The following SKAP2 variants were observed in gnomAD, a reference collection of about 807,000 sequenced individuals.
SKAP2 encodes src kinase associated phosphoprotein 2, also known as src kinase-associated phosphoprotein 2.
A neutral mutation model predicts 54.9 loss-of-function variants in SKAP2; 28 were observed. The observed-to-expected ratio is 0.51, with a 90% CI of 0.38 to 0.70. SKAP2 has a LOEUF of 0.70. Ranked by LOEUF, SKAP2 falls within the 30% of genes least tolerant of loss-of-function variation. The pLI is 0.00. For missense variants in SKAP2, 356 were observed against 424.1 expected (o/e 0.84, Z 1.41); for synonymous variants, 137 against 134.3 (o/e 1.02, Z -0.14).
Position 26,818,758 on chromosome 7 carries a change from A to G in SKAP2, c.307+25272T>C, listed in dbSNP as rs546206927. On this transcript the variant is annotated intron_variant, in intron 4 of 12. Coordinates refer to ENST00000345317, the MANE Select transcript of SKAP2 (RefSeq NM_003930.5). The stretch of plus-strand genomic sequence containing the variant: ...AAAACAACCCCATCAAAAAGGGGGT[A>G]AAGGATATGAACAGACATTTCCCAA... 1.8e-4 allele frequency among the ~76,000 whole-genome samples: 27 copies of G among 152,306 alleles called. No individual in the cohort carries two copies. In the East Asian group the frequency reaches 4.6e-3, roughly 26 times the overall value.
At chr7:26,849,732 GA>G (rs563055363) in intron 3 of SKAP2, among the ~76,000 whole-genome samples, 1 of 141,286 alleles carries the variant, frequency 7.1e-6, no homozygotes, top group African/African-American at 2.6e-5. Context: ...TTACAAATTT[GA>G]AAAAAAAATC....
At position 26,844,260 on chromosome 7, in the gene SKAP2, T is replaced by C. The variant is rs1267510396; in HGVS notation, c.200-123A>G. 27 of 606,472 alleles carry C rather than the reference T, an allele frequency of 4.5e-5. No individual in the cohort carries two copies. In the East Asian group the frequency reaches 7.1e-4, roughly 16 times the overall value. 37.6% of individuals were successfully genotyped at this position (606,472 alleles called of 1,614,324 possible). A position where few individuals can be genotyped will look rare whatever the true frequency, so the allele number is the denominator to read the frequency against. ...ATTCTACTAGTAAATTGAGTCATTGTCATGGAAAAACAAAGAAAACTTTTA... is the reference window on the plus strand; with the variant it reads ...ATTCTACTAGTAAATTGAGTCATTGCCATGGAAAAACAAAGAAAACTTTTA... On this transcript the variant is annotated intron_variant, in intron 3 of 12. Coordinates refer to ENST00000345317, the MANE Select transcript of SKAP2 (RefSeq NM_003930.5).
Position 26,814,534 on chromosome 7 carries a change from T to C in SKAP2, c.307+29496A>G, listed in dbSNP as rs1279945907. On this transcript the variant is annotated intron_variant, in intron 4 of 12. Transcript: ENST00000345317. ...TAAAATAATCCCAGCGAAATCACTC[T>C]TTAGGAACTTCAAACACCCTTACAC... 2.0e-5 allele frequency among the ~76,000 whole-genome samples: 3 copies of C among 150,550 alleles called. No individual in the cohort carries two copies. The East Asian group carries it at 5.8e-4, about 29-fold the overall frequency.
chr7:26,843,973 A>C, intron 4 of SKAP2, 57 bp downstream of exon 4: 1 of 1,070,562 alleles, frequency 9.3e-7, no homozygotes, highest in Admixed American at 1.7e-5. Context: ...ACTACCACCC[A>C]TATATATAGC....
intron 4 of SKAP2, among the ~76,000 whole-genome samples, chr7:26,827,945 C>A (rs1178602502): frequency 6.6e-6 from 1 of 152,018 alleles, no homozygotes. Flanking sequence ...GTGACTGACA[C>A]AGGGAAAAAA....
intron 1 of SKAP2, among the ~76,000 whole-genome samples, chr7:26,864,097 G>A (rs1008357728): frequency 2.4e-5 from 3 of 123,270 alleles, no homozygotes; most frequent in Non-Finnish European, 5.3e-5. Flanking sequence ...TCTTCACAAT[G>A]CACATAGAAA....
At chr7:26,811,834 C>T (rs1370403058) in intron 4 of SKAP2, among the ~76,000 whole-genome samples, 2 of 152,030 alleles carry the variant, frequency 1.3e-5, no homozygotes, top group African/African-American at 2.4e-5. Flanking sequence ...TTTAAAATGC[C>T]ATTTTGCAAC....
At chr7:26,711,905 G>A (rs1203561992) in intron 9 of SKAP2, among the ~76,000 whole-genome samples, 1 of 152,150 alleles carries the variant, frequency 6.6e-6, no homozygotes, top group Admixed American at 6.5e-5. Context: ...AATTATTAAA[G>A]CCTGAGTGAG....
At chr7:26,814,040 G>A (rs1464164162) in intron 4 of SKAP2, among the ~76,000 whole-genome samples, 1 of 152,112 alleles carries the variant, frequency 6.6e-6, no homozygotes, top group Non-Finnish European at 1.5e-5. Context: ...AGCTTCATAT[G>A]AAGCTACAGC....
chr7:26,693,408 C>A, intron 9 of SKAP2, among the ~76,000 whole-genome samples: 1 of 149,268 alleles, frequency 6.7e-6, no homozygotes, highest in Admixed American at 6.7e-5. Flanking sequence ...TATAAAAATT[C>A]ATTACAAGAC....
At chr7:26,767,418 C>T (rs562469703) in intron 4 of SKAP2, among the ~76,000 whole-genome samples, 102 of 152,218 alleles carry the variant, frequency 6.7e-4, no homozygotes, top group African/African-American at 2.4e-3. Flanking sequence ...AAAACCAGTT[C>T]CTGAATTCAT....
intron 4 of SKAP2, among the ~76,000 whole-genome samples, chr7:26,826,036 T>C (rs1364888719): frequency 2.0e-5 from 3 of 152,056 alleles, no homozygotes; most frequent in Non-Finnish European, 4.4e-5. Flanking sequence ...CAAATCTCCA[T>C]GGGGATCAGG....
intron 2 of SKAP2, 49 bp from the exon 3 acceptor site, chr7:26,854,211 A>G (rs760689103): frequency 2.3e-5 from 27 of 1,188,430 alleles, no homozygotes; most frequent in Admixed American, 2.2e-5. Flanking sequence ...AATCAAAACA[A>G]GGTCTAATCA....
chr7:26,801,511 A>G (rs1303554199), intron 4 of SKAP2, among the ~76,000 whole-genome samples: 6 of 152,196 alleles, frequency 3.9e-5, no homozygotes, highest in African/African-American at 1.4e-4. Context: ...TAGCTAGAGC[A>G]ATCAGACAAC....
At chr7:26,763,988 G>T (rs1468203369) in intron 4 of SKAP2, among the ~76,000 whole-genome samples, 1 of 152,078 alleles carries the variant, frequency 6.6e-6, no homozygotes, top group Non-Finnish European at 1.5e-5. Context: ...AGGTTGTTAG[G>T]CAGCACATGA....
chr7:26,810,784 C>T (rs749770937), intron 4 of SKAP2, among the ~76,000 whole-genome samples: 5 of 152,082 alleles, frequency 3.3e-5, no homozygotes, highest in South Asian at 2.1e-4. Flanking sequence ...CAGGTTCAAG[C>T]GATTCTCCTG....
At chr7:26,783,805 G>C (rs967372675) in intron 4 of SKAP2, among the ~76,000 whole-genome samples, 4 of 152,090 alleles carry the variant, frequency 2.6e-5, no homozygotes, top group African/African-American at 9.7e-5. Flanking sequence ...GGTGGGGGGA[G>C]CGGGGAGGGA....
intron 11 of SKAP2, among the ~76,000 whole-genome samples, chr7:26,680,853 A>T (rs559541690): frequency 1.3e-5 from 2 of 152,292 alleles, no homozygotes; most frequent in Non-Finnish European, 2.9e-5. Flanking sequence ...GGAAAATGTT[A>T]AAAAGGGAAG....
intron 4 of SKAP2, among the ~76,000 whole-genome samples, chr7:26,812,524 C>T (rs1415436493): frequency 6.6e-6 from 1 of 152,042 alleles, no homozygotes; most frequent in Non-Finnish European, 1.5e-5. Flanking sequence ...AACATAACTT[C>T]ATAGAATATA....
Sources: gnomAD v4.1 joint callset for allele counts (sites outside exome capture counted in the v4.1 genomes callset) on GRCh38, gnomAD v4.1.1 for gene constraint, MANE v1.5 for transcripts, NCBI Gene and HGNC (gene_info 2026-07-23, HGNC 2026-07-21) for gene names.